Variants in RBFOX3 observed in about 807,000 individuals in gnomAD.
RBFOX3 encodes the protein RNA binding fox-1 homolog 3.
In RBFOX3, 17 loss-of-function variants were observed where a neutral mutation model predicts 48.7. The ratio of observed to expected loss-of-function variants is 0.35; its 90% CI spans 0.24 to 0.52. The LOEUF (loss-of-function observed/expected upper bound fraction) is 0.52, where lower values mean the gene tolerates loss of function less well. RBFOX3 is among the 20% of genes least tolerant of loss of function. The pLI, the probability that RBFOX3 is intolerant of heterozygous loss-of-function variation, is 0.94. For synonymous variants in RBFOX3, 212 were observed against 209.5 expected (o/e 1.01, Z -0.10); for missense variants, 382 against 497.5 (o/e 0.77, Z 2.21).
chr17:79,562,197 C>A (rs1315043948), intron 1 of RBFOX3, among the ~76,000 whole-genome samples: 4 of 152,156 alleles, frequency 2.6e-5, no homozygotes, highest in African/African-American at 9.7e-5. Context: ...TTCCTGCCTG[C>A]AAGGAATAGC....
At chr17:79,315,167 C>T (rs8077651) in intron 2 of RBFOX3, among the ~76,000 whole-genome samples, 125 of 152,220 alleles carry the variant, frequency 8.2e-4, no homozygotes, top group African/African-American at 2.4e-3. Flanking sequence ...GGTGGCCTGA[C>T]GACCAAGTAA....
At chr17:79,597,050 C>T (rs2093588551) in intron 1 of RBFOX3, among the ~76,000 whole-genome samples, 1 of 152,148 alleles carries the variant, frequency 6.6e-6, no homozygotes, top group Admixed American at 6.5e-5. Flanking sequence ...GCCGAGGCCT[C>T]CCTCCTGCTG....
chr17:79,627,350 T>C, the RBFOX3 span, among the ~76,000 whole-genome samples: 10 of 152,112 alleles, frequency 6.6e-5, no homozygotes, highest in African/African-American at 2.4e-4. Context: ...ACCTGAGAAA[T>C]AGGAACACAG....
intron 2 of RBFOX3, among the ~76,000 whole-genome samples, chr17:79,435,606 G>A (rs1464874077): frequency 2.0e-5 from 3 of 152,212 alleles, no homozygotes; most frequent in African/African-American, 7.2e-5. Flanking sequence ...CTGCAACAGA[G>A]CCTGGCTCCT....
At chr17:79,587,810 G>A (rs1029138787) in intron 1 of RBFOX3, among the ~76,000 whole-genome samples, 61 of 152,292 alleles carry the variant, frequency 4.0e-4, no homozygotes, top group East Asian at 2.9e-3. Context: ...GGAAGCAGAC[G>A]GAGCTACTTC....
intron 1 of RBFOX3, among the ~76,000 whole-genome samples, chr17:79,582,495 T>C (rs2093105271): frequency 1.3e-5 from 2 of 152,288 alleles, no homozygotes; most frequent in East Asian, 1.9e-4. Context: ...CTCTTCTCAA[T>C]AAATCTCTGT....
intron 3 of RBFOX3, among the ~76,000 whole-genome samples, chr17:79,287,665 A>C (rs573886127): frequency 6.6e-6 from 1 of 152,258 alleles, no homozygotes; most frequent in African/African-American, 2.4e-5. Context: ...TCCTGAGGTG[A>C]CCTGTGCCCT....
chr17:79,296,348 T>C (rs952062586), intron 3 of RBFOX3, among the ~76,000 whole-genome samples: 16 of 152,010 alleles, frequency 1.1e-4, no homozygotes, highest in African/African-American at 3.9e-4. Context: ...TTTTGATTTC[T>C]TATATGGTTG....
intron 14 of RBFOX3, among the ~76,000 whole-genome samples, chr17:79,091,647 G>A (rs1007662938): frequency 5.9e-5 from 9 of 152,222 alleles, no homozygotes; most frequent in Admixed American, 2.6e-4. Context: ...GAGCAAGGGT[G>A]CATTCTGCCC....
At chr17:79,181,106 T>C (rs1444536058) in intron 4 of RBFOX3, among the ~76,000 whole-genome samples, 1 of 152,178 alleles carries the variant, frequency 6.6e-6, no homozygotes, top group Admixed American at 6.5e-5. Flanking sequence ...TGCCTCTACT[T>C]CATCTTAACT....
intron 3 of RBFOX3, among the ~76,000 whole-genome samples, chr17:79,248,314 A>T (rs940976940): frequency 6.6e-6 from 1 of 151,442 alleles, no homozygotes; most frequent in African/African-American, 2.4e-5. Flanking sequence ...GCTCACTGCA[A>T]CCTCCACTCC....
At chr17:79,324,723 A>G (rs1338271298) in intron 2 of RBFOX3, among the ~76,000 whole-genome samples, 1 of 152,228 alleles carries the variant, frequency 6.6e-6, no homozygotes, top group Non-Finnish European at 1.5e-5. Flanking sequence ...GAGAGCAGGC[A>G]GCCTTCCTGC....
chr17:79,192,675 C>T (rs1293640960), intron 4 of RBFOX3, among the ~76,000 whole-genome samples: 5 of 152,144 alleles, frequency 3.3e-5, no homozygotes, highest in African/African-American at 1.2e-4. Context: ...AGAGTGAGAC[C>T]GTCAGCACCA....
chr17:79,233,374 G>T (rs1202845865), intron 4 of RBFOX3, among the ~76,000 whole-genome samples: 1 of 152,170 alleles, frequency 6.6e-6, no homozygotes, highest in Non-Finnish European at 1.5e-5. Context: ...GTGAGGAAGA[G>T]ATTACAAAGA....
intron 4 of RBFOX3, among the ~76,000 whole-genome samples, chr17:79,148,930 C>A (rs898253507): frequency 1.3e-5 from 2 of 152,160 alleles, no homozygotes; most frequent in Non-Finnish European, 2.9e-5. Flanking sequence ...AGGGGGACAG[C>A]CTGGGGCTTT....
chr17:79,275,544 G>A (rs2068633259), intron 3 of RBFOX3, among the ~76,000 whole-genome samples: 2 of 152,176 alleles, frequency 1.3e-5, no homozygotes, highest in Admixed American at 1.3e-4. Flanking sequence ...GCTCACTGAA[G>A]TCCTTGAAGG....
intron 4 of RBFOX3, among the ~76,000 whole-genome samples, chr17:79,200,289 G>C (rs2056543515): frequency 6.6e-6 from 1 of 152,162 alleles, no homozygotes; most frequent in South Asian, 2.1e-4. Flanking sequence ...TGCCCAAGCT[G>C]CTGGACAAAC....
chr17:79,214,569 G>T lies in RBFOX3; in HGVS notation c.-34+21197C>A, dbSNP rs1380586012. Among the ~76,000 whole-genome samples, 1 of 151,944 alleles carries T rather than the reference G, an allele frequency of 6.6e-6. No individual in the cohort carries two copies. Among genetic ancestry groups the T allele is most frequent in the Non-Finnish European group, 1.5e-5 (1 of 67,968 alleles). ...CAAGTGGGAGGGATGTCTGGGGGGG[G>T]TCTCGGAGGAAGCAGGAAGGGTTGG... is the stretch of plus-strand genomic sequence containing the variant. On this transcript the variant is annotated intron_variant, in intron 4 of 14. Coordinates refer to ENST00000693108, the MANE Select transcript of RBFOX3 (RefSeq NM_001350451.2). The surrounding 1 kb of genome is among the most constrained non-coding windows in gnomAD (Gnocchi z 4.7).
chr17:79,624,350 G>A, the RBFOX3 span, among the ~76,000 whole-genome samples: 5 of 152,022 alleles, frequency 3.3e-5, no homozygotes, highest in East Asian at 9.7e-4. Flanking sequence ...CTGCAGGGGA[G>A]GCTGGGGAAG....
Sources: allele counts gnomAD v4.1 joint callset (sites outside exome capture counted in the v4.1 genomes callset), GRCh38; gene constraint gnomAD v4.1.1; non-coding constraint Gnocchi (gnomAD v3.1); transcripts MANE v1.5; gene names NCBI Gene and HGNC (gene_info 2026-07-23, HGNC 2026-07-21).